The following RP1 variants were observed in gnomAD, a reference collection of about 807,000 sequenced individuals.
RP1 encodes RP1 axonemal microtubule associated, also known as oxygen-regulated protein 1.
A neutral mutation model predicts 14.8 loss-of-function variants in RP1; 16 were observed. That is an observed-to-expected ratio of 1.08 (90% CI 0.73 to 1.65). The LOEUF (loss-of-function observed/expected upper bound fraction) is 1.65. Among genes scored for constraint, RP1 ranks in the 40% most tolerant of loss-of-function variants. The pLI is 0.00. For missense variants in RP1, 2,631 were observed against 2,535.0 expected (o/e 1.04, Z -0.81); for synonymous variants, 876 against 883.6 (o/e 0.99, Z 0.15).
intron 12 of RP1, among the ~76,000 whole-genome samples, chr8:54,698,334 G>A (rs1173554063): frequency 6.6e-6 from 1 of 152,172 alleles, no homozygotes; most frequent in Non-Finnish European, 1.5e-5. Context: ...AAACCACAAT[G>A]AGATACCACC....
chr8:54,590,062 G>A (rs573701761), intron 1 of RP1, among the ~76,000 whole-genome samples: 2 of 152,182 alleles, frequency 1.3e-5, no homozygotes, highest in African/African-American at 4.8e-5. Flanking sequence ...TGAAAGAAGC[G>A]TGCCTGCTCC....
chr8:54,696,540 G>A (rs1465243180), intron 12 of RP1: 1 of 758,394 alleles, frequency 1.3e-6, no homozygotes, highest in Non-Finnish European at 2.3e-6. Flanking sequence ...AAAGGGCTCA[G>A]GTTTAAGTGA....
chr8:54,774,933 T>A (rs190204883), downstream of RP1, among the ~76,000 whole-genome samples: 1 of 152,308 alleles, frequency 6.6e-6, no homozygotes, highest in Non-Finnish European at 1.5e-5. Flanking sequence ...AAGCAAGTTT[T>A]CTAAACCTTG....
At chr8:54,862,686 A>G (rs957817204) in intron 27 of RP1, among the ~76,000 whole-genome samples, 1 of 152,108 alleles carries the variant, frequency 6.6e-6, no homozygotes, top group Non-Finnish European at 1.5e-5. Context: ...GTGTGGTCAG[A>G]GCTGGTTACA....
intron 17 of RP1, chr8:54,734,471 G>C (rs772794123): frequency 3.4e-4 from 471 of 1,375,910 alleles, no homozygotes; most frequent in Non-Finnish European, 4.3e-4. Context: ...ATGTCCTTTG[G>C]CTCCAGTGTG....
At chr8:54,665,770 T>G (rs1300629084) in intron 7 of RP1, among the ~76,000 whole-genome samples, 1 of 152,174 alleles carries the variant, frequency 6.6e-6, no homozygotes, top group Non-Finnish European at 1.5e-5. Context: ...CTGTATGAAG[T>G]GTGCAGACAC....
chr8:54,622,301 T>A lies in RP1; in HGVS notation c.787+13T>A. The A allele has an allele frequency of 6.2e-7, 1 of 1,613,412 alleles. No homozygotes were observed. The highest frequency in any genetic ancestry group is 8.5e-7 in the Non-Finnish European group (1 of 1,179,620). ...GAAAGCAGAAAGAGTAAGTCACTTA[T>A]TAATATATAGCCCATATTTTTAGCC... On this transcript the variant is annotated intron_variant, in intron 3 of 3. Coordinates refer to ENST00000220676, the MANE Select transcript of RP1 (RefSeq NM_006269.2).
intron 17 of RP1, among the ~76,000 whole-genome samples, chr8:54,728,610 A>G (rs1245546711): frequency 1.3e-5 from 2 of 152,184 alleles, no homozygotes; most frequent in African/African-American, 2.4e-5. Flanking sequence ...AACTTTTCTC[A>G]TCTACATCAA....
chr8:54,583,100 A>G (rs1439062236), intron 1 of RP1, among the ~76,000 whole-genome samples: 16 of 152,144 alleles, frequency 1.1e-4, no homozygotes, highest in Non-Finnish European at 1.9e-4. Flanking sequence ...GAATGCTTCC[A>G]GTTTTTGCCC....
chr8:54,780,207 C>A (rs1218383633), intron 23 of RP1, among the ~76,000 whole-genome samples: 1 of 152,216 alleles, frequency 6.6e-6, no homozygotes, highest in Non-Finnish European at 1.5e-5. Context: ...AGCATGGCGT[C>A]ATTCCAATGA....
chr8:54,792,454 A>G lies in RP1; in HGVS notation c.3615+8744A>G, dbSNP rs150366739. On this transcript the variant is annotated intron_variant, in intron 24 of 28. Coordinates refer to the RP1 transcript ENST00000637698. ...AAATATCCAGGATAGATCATATGTT[A>G]GGACACAAAACAAGTCTTAATAAAT... Among the ~76,000 whole-genome samples, 104 of 152,076 alleles carry G rather than the reference A, an allele frequency of 6.8e-4. 1 individual carries two copies. The highest frequency in any genetic ancestry group is 2.3e-3 in the African/African-American group (97 of 41,570).
intron 28 of RP1, among the ~76,000 whole-genome samples, chr8:54,866,166 C>A (rs922226921): frequency 1.3e-5 from 2 of 152,184 alleles, no homozygotes; most frequent in African/African-American, 4.8e-5. Context: ...TGGATTAGGA[C>A]TTAGAAAACA....
chr8:54,667,998 G>T (rs187472315), intron 7 of RP1, among the ~76,000 whole-genome samples: 1 of 152,056 alleles, frequency 6.6e-6, no homozygotes, highest in African/African-American at 2.4e-5. Flanking sequence ...TGAGGCCAGC[G>T]TCATCCTGAT....
chr8:54,738,914 A>G, intron 18 of RP1: 1 of 1,365,844 alleles, frequency 7.3e-7, no homozygotes, highest in East Asian at 2.5e-5. Flanking sequence ...AAATTCTGAT[A>G]ATTTTTTTCT....
chr8:54,624,167 C>T (rs1275641046), intron 3 of RP1, among the ~76,000 whole-genome samples: 1 of 151,970 alleles, frequency 6.6e-6, no homozygotes, highest in Non-Finnish European at 1.5e-5. Flanking sequence ...ATAGGCTGAG[C>T]GTGGTGGCTC....
At chr8:54,565,923 C>T (rs968206506) in intron 1 of RP1, among the ~76,000 whole-genome samples, 3 of 152,214 alleles carry the variant, frequency 2.0e-5, no homozygotes, top group Non-Finnish European at 2.9e-5. Context: ...GTCCAGTCTT[C>T]TCCCCAGCTC....
At chr8:54,696,728 C>G in intron 12 of RP1, 1 of 724,208 alleles carries the variant, frequency 1.4e-6, no homozygotes, top group South Asian at 1.4e-5. Context: ...TTCAAGACTT[C>G]GCCTAAAGAA....
rs759656065 is a variant in RP1, at chr8:54,625,515, A to G, written c.1633A>G (p.Ile545Val). 5 of 1,613,948 alleles carry G rather than the reference A, an allele frequency of 3.1e-6. No individual in the cohort carries two copies. The highest frequency in any genetic ancestry group is 1.7e-5 in the Admixed American group (1 of 60,008). The change falls in exon 4 of 4, where the codon ATA becomes GTA. Residue 545 changes from isoleucine to valine, a missense_variant. Coordinates refer to ENST00000220676, the MANE Select transcript of RP1 (RefSeq NM_006269.2). ...KENSLLKSSAISAGVIEITSQ... is the reference protein window; with the variant it reads ...KENSLLKSSAVSAGVIEITSQ... ...AAACAGTCTGCTTAAGTCAAGTGCA[A>G]TAAGTGCTGGTGTTATAGAAATTAC...
intron 15 of RP1, among the ~76,000 whole-genome samples, chr8:54,714,208 G>A (rs981722860): frequency 5.3e-5 from 8 of 152,274 alleles, no homozygotes; most frequent in South Asian, 2.1e-4. Flanking sequence ...TTACAGGCGT[G>A]AGCCACCGCA....
Sources: gnomAD v4.1 joint callset for allele counts (sites outside exome capture counted in the v4.1 genomes callset) on GRCh38, gnomAD v4.1.1 for gene constraint, MANE v1.5 for transcripts, NCBI Gene and HGNC (gene_info 2026-07-23, HGNC 2026-07-21) for gene names.